The following RYR3 variants were observed in gnomAD, a reference collection of about 807,000 sequenced individuals.
RYR3 encodes brain ryanodine receptor-calcium release channel.
Under a neutral mutation model 584.3 loss-of-function variants are expected in RYR3, and 207 were observed. The ratio of observed to expected loss-of-function variants is 0.35; its 90% CI spans 0.32 to 0.40. RYR3 has a LOEUF of 0.40. RYR3 is among the 10% of genes least tolerant of loss of function. The probability of loss-of-function intolerance (pLI) is 1.00; values close to 1 mark genes in which losing one functional copy is unlikely to be tolerated. For synonymous variants in RYR3, 2,416 were observed against 2,248.5 expected (o/e 1.07, Z -2.11); for missense variants, 5,616 against 6,089.2 (o/e 0.92, Z 2.59).
At chr15:33,539,073 G>C in intron 5 of RYR3, 1 of 223,688 alleles carries the variant, frequency 4.5e-6, no homozygotes, top group East Asian at 9.2e-5. Flanking sequence ...TTTCCTATTT[G>C]CATTAAAAAT....
chr15:33,469,377 C>T (rs749278712), intron 1 of RYR3, among the ~76,000 whole-genome samples: 4 of 151,862 alleles, frequency 2.6e-5, no homozygotes, highest in African/African-American at 4.8e-5. Context: ...TTGAGAGTGC[C>T]ATTGAGGATT....
chr15:33,565,861 A>G (rs947021171), intron 11 of RYR3, among the ~76,000 whole-genome samples: 1 of 152,206 alleles, frequency 6.6e-6, no homozygotes, highest in Non-Finnish European at 1.5e-5. Context: ...CTTAGTGACA[A>G]GTAGATACTC....
chr15:33,689,387 AT>A (rs1216074493), intron 38 of RYR3, among the ~76,000 whole-genome samples: 4 of 152,066 alleles, frequency 2.6e-5, no homozygotes, highest in South Asian at 2.1e-4. Flanking sequence ...TCCTACCAAA[AT>A]TGTCAGCATT....
At chr15:33,395,154 GGT>G (rs1272731726) in intron 1 of RYR3, among the ~76,000 whole-genome samples, 3 of 152,154 alleles carry the variant, frequency 2.0e-5, no homozygotes, top group Non-Finnish European at 4.4e-5. Context: ...ACACAAAGAT[GGT>G]GTGTGATTTT....
chr15:33,693,320 G>T (rs142178764), intron 38 of RYR3, among the ~76,000 whole-genome samples: 1 of 152,198 alleles, frequency 6.6e-6, no homozygotes, highest in Admixed American at 6.5e-5. Context: ...CTCCAGCAGC[G>T]CCCAGGTCCT....
intron 8 of RYR3, 87 bp from the exon 9 acceptor site, chr15:33,548,043 C>T: frequency 1.1e-6 from 1 of 903,254 alleles, no homozygotes; most frequent in South Asian, 1.4e-5. Flanking sequence ...AGCTCAGTAC[C>T]TGAACAGCCT....
chr15:33,635,900 T>C, intron 26 of RYR3, 81 bp downstream of exon 26: 1 of 1,231,862 alleles, frequency 8.1e-7, no homozygotes. Flanking sequence ...CTCAAATTAC[T>C]GGATCTCTGG....
intron 74 of RYR3, chr15:33,813,782 A>G: frequency 2.0e-6 from 1 of 499,084 alleles, no homozygotes; most frequent in South Asian, 3.0e-5. Context: ...GAGATTCTCT[A>G]GAGCCCATTC....
At chr15:33,319,912 G>A (rs1282300854) in intron 1 of RYR3, among the ~76,000 whole-genome samples, 1 of 152,098 alleles carries the variant, frequency 6.6e-6, no homozygotes, top group African/African-American at 2.4e-5. Context: ...CAAGTTCTCA[G>A]GTACCTACAG....
chr15:33,399,955 A>G (rs1284041664), intron 1 of RYR3, among the ~76,000 whole-genome samples: 1 of 152,176 alleles, frequency 6.6e-6, no homozygotes, highest in African/African-American at 2.4e-5. Context: ...ATGAATTACT[A>G]CACAGTCCAG....
intron 1 of RYR3, among the ~76,000 whole-genome samples, chr15:33,386,334 A>G (rs1490724233): frequency 2.0e-5 from 3 of 152,210 alleles, no homozygotes; most frequent in Non-Finnish European, 2.9e-5. Flanking sequence ...ACAACTCATA[A>G]GATGTCACTG....
rs2058596006 is a variant in RYR3, at chr15:33,581,577, G to C, written c.1507G>C (p.Gly503Arg). 2 of 1,613,276 alleles carry C rather than the reference G, an allele frequency of 1.2e-6. No individual in the cohort carries two copies. Among genetic ancestry groups the C allele is most frequent in the Non-Finnish European group, 1.7e-6 (2 of 1,179,248 alleles). ...NVYNSVAHFA[G>R]IAREESGMAW... ...CTACAATAGCGTAGCACACTTTGCA[G>C]GGATTGCAAGGGAAGAGAGTGGCAT... Residue 503 changes from glycine (G) to arginine (R), a missense_variant, in exon 14 of 104, where the codon GGG becomes CGG. By Grantham distance (125) the Gly-to-Arg change is moderately radical. This residue lies in a region of RYR3 where 1,284 missense variants were observed against 1,344.6 expected (regional missense o/e 0.95). Transcript: ENST00000634891.
intron 12 of RYR3, among the ~76,000 whole-genome samples, chr15:33,568,087 C>T (rs1310202753): frequency 6.6e-6 from 1 of 151,982 alleles, no homozygotes; most frequent in African/African-American, 2.4e-5. Flanking sequence ...GCCAAAATGT[C>T]CAGAATAGAT....
chr15:33,388,331 T>C (rs922317137), intron 1 of RYR3, among the ~76,000 whole-genome samples: 8 of 152,008 alleles, frequency 5.3e-5, no homozygotes, highest in African/African-American at 1.9e-4. Flanking sequence ...GAGAAAAAAG[T>C]AAAAGGGAAG....
intron 46 of RYR3, among the ~76,000 whole-genome samples, chr15:33,726,862 AAC>A (rs1325832961): frequency 2.0e-5 from 3 of 152,402 alleles, no homozygotes; most frequent in Non-Finnish European, 4.4e-5. Context: ...TTGTATTCCC[AAC>A]ACACAAATAC....
chr15:33,497,610 A>T (rs2051554863), intron 2 of RYR3, among the ~76,000 whole-genome samples: 1 of 152,182 alleles, frequency 6.6e-6, no homozygotes, highest in Non-Finnish European at 1.5e-5. Flanking sequence ...AGAATTGTAC[A>T]TATTTTATGG....
intron 3 of RYR3, among the ~76,000 whole-genome samples, chr15:33,510,153 C>T (rs2052848166): frequency 6.6e-6 from 1 of 152,234 alleles, no homozygotes; most frequent in Non-Finnish European, 1.5e-5. Flanking sequence ...TACAGATGTA[C>T]TCCTGGCAGG....
intron 41 of RYR3, 143 bp downstream of exon 41, chr15:33,699,976 AC>A: frequency 3.6e-6 from 3 of 823,830 alleles, no homozygotes; most frequent in African/African-American, 3.4e-5. Context: ...CTGATTTAAA[AC>A]AATTGAAGTA....
chr15:33,713,051 A>G (rs73379330), intron 43 of RYR3, among the ~76,000 whole-genome samples: 12,226 of 152,216 alleles, frequency 0.08, 1,062 homozygotes, highest in African/African-American at 0.22. Context: ...ATTTCTTTGG[A>G]ATCTCAAAGC....
Sources: allele counts gnomAD v4.1 joint callset (sites outside exome capture counted in the v4.1 genomes callset), GRCh38; gene constraint gnomAD v4.1.1; regional missense constraint gnomAD v4.1.1; transcripts MANE v1.5; gene names NCBI Gene and HGNC (gene_info 2026-07-23, HGNC 2026-07-21).